SH3PXD2A: variants seen among roughly 807,000 people sequenced by gnomAD.
SH3PXD2A encodes the protein SH3 and PX domain-containing protein 2A.
In SH3PXD2A, 32 loss-of-function variants were observed where a neutral mutation model predicts 115.2. The ratio of observed to expected loss-of-function variants is 0.28; its 90% CI spans 0.21 to 0.37. The LOEUF (loss-of-function observed/expected upper bound fraction) is 0.37, where lower values mean the gene tolerates loss of function less well. Ranked by LOEUF, SH3PXD2A falls within the 10% of genes least tolerant of loss-of-function variation. SH3PXD2A has a pLI of 1.00. For missense variants in SH3PXD2A, 1,328 were observed against 1,498.7 expected (o/e 0.89, Z 1.88); for synonymous variants, 610 against 629.1 (o/e 0.97, Z 0.45).
At position 103,618,911 on chromosome 10, in the gene SH3PXD2A, C is replaced by T. The variant is rs531846265; in HGVS notation, c.803-1597G>A. The stretch of plus-strand genomic sequence containing the variant: ...ATCTGTCCACTCTCCCCTGGATTAT[C>T]GGGGCCCTGTCTGCAGCCCTGTGCT... On this transcript the variant is annotated intron_variant, in intron 10 of 14. Transcript: ENST00000369774. 5.3e-5 allele frequency among the ~76,000 whole-genome samples: 8 copies of T among 152,328 alleles called. No homozygotes were observed. The East Asian group carries it at 1.5e-3, about 29-fold the overall frequency.
intron 1 of SH3PXD2A, among the ~76,000 whole-genome samples, chr10:103,820,029 C>G (rs762030): frequency 0.58 from 88,437 of 151,928 alleles, 26,499 homozygotes; most frequent in East Asian, 0.69. Flanking sequence ...CATTTTTGGA[C>G]AGTTCAGAGT....
At chr10:103,615,638 G>T (rs1459364575) in intron 11 of SH3PXD2A, among the ~76,000 whole-genome samples, 3 of 150,066 alleles carry the variant, frequency 2.0e-5, no homozygotes, top group African/African-American at 7.3e-5. Flanking sequence ...TTTTAAGGTG[G>T]AATCTTTTCA....
chr10:103,840,747 A>C (rs565544636), intron 1 of SH3PXD2A, among the ~76,000 whole-genome samples: 1 of 152,348 alleles, frequency 6.6e-6, no homozygotes, highest in South Asian at 2.1e-4. Context: ...GAAGGACCAT[A>C]ATAGTGCTTT....
At position 103,787,289 on chromosome 10, in the gene SH3PXD2A, G is replaced by C. The variant is rs544991099; in HGVS notation, c.153+13993C>G. 8.5e-5 allele frequency among the ~76,000 whole-genome samples: 13 copies of C among 152,288 alleles called. No individual in the cohort carries two copies. The South Asian group carries it at 2.7e-3, about 32-fold the overall frequency. On this transcript the variant is annotated intron_variant, in intron 2 of 14. Transcript: ENST00000369774. Reference sequence around the variant, plus strand: ...TTGACTACACAGCCAAGAAACCCAGGTATTCCAAACTGTCCCAACTGCCAG... The same window carrying C: ...TTGACTACACAGCCAAGAAACCCAGCTATTCCAAACTGTCCCAACTGCCAG...
chr10:103,633,616 T>C (rs1442016719), intron 8 of SH3PXD2A, among the ~76,000 whole-genome samples: 1 of 149,874 alleles, frequency 6.7e-6, no homozygotes, highest in African/African-American at 2.5e-5. Context: ...TAATCCCAGC[T>C]ACTTGGGAGG....
intron 4 of SH3PXD2A, among the ~76,000 whole-genome samples, chr10:103,727,382 C>G (rs1159758179): frequency 2.6e-5 from 4 of 152,026 alleles, no homozygotes; most frequent in Non-Finnish European, 1.5e-5. Flanking sequence ...AGACAGGGAG[C>G]AAGAGGGAGG....
intron 1 of SH3PXD2A, among the ~76,000 whole-genome samples, chr10:103,804,227 G>A (rs1185515669): frequency 6.6e-6 from 1 of 151,750 alleles, no homozygotes; most frequent in Non-Finnish European, 1.5e-5. Context: ...AGTCTTTCAG[G>A]TTCAATGTTA....
intron 3 of SH3PXD2A, among the ~76,000 whole-genome samples, chr10:103,762,749 T>A (rs892134352): frequency 2.6e-5 from 4 of 152,344 alleles, no homozygotes; most frequent in South Asian, 2.1e-4. Context: ...CTAGCCCTGA[T>A]GAAAACAATT....
chr10:103,768,758 G>C (rs577055417), intron 2 of SH3PXD2A, among the ~76,000 whole-genome samples: 2 of 152,280 alleles, frequency 1.3e-5, no homozygotes, highest in East Asian at 3.9e-4. Context: ...GTCTTAGTCT[G>C]TTTAATGTTG....
intron 7 of SH3PXD2A, among the ~76,000 whole-genome samples, chr10:103,663,914 C>T (rs1564857788): frequency 6.6e-6 from 1 of 152,240 alleles, no homozygotes; most frequent in African/African-American, 2.4e-5. Flanking sequence ...TGCACAGTCC[C>T]GAGCAGCCCT....
chr10:103,735,600 C>T, intron 4 of SH3PXD2A, 132 bp downstream of exon 4: 1 of 727,528 alleles, frequency 1.4e-6, no homozygotes. Flanking sequence ...ACCCCTCTGG[C>T]CAGGAAACAC....
At chr10:103,674,629 G>A (rs1026498187) in intron 6 of SH3PXD2A, among the ~76,000 whole-genome samples, 1 of 152,132 alleles carries the variant, frequency 6.6e-6, no homozygotes, top group Non-Finnish European at 1.5e-5. Context: ...AGACCAGCCT[G>A]GCCAACATGG....
chr10:103,780,559 T>A (rs1261565331), intron 2 of SH3PXD2A, among the ~76,000 whole-genome samples: 4 of 151,962 alleles, frequency 2.6e-5, no homozygotes, highest in Non-Finnish European at 5.9e-5. Flanking sequence ...ATCCTAGAAC[T>A]CAGGAGAGGG....
At chr10:103,625,411 G>A (rs1029201402) in intron 9 of SH3PXD2A, among the ~76,000 whole-genome samples, 1 of 152,254 alleles carries the variant, frequency 6.6e-6, no homozygotes, top group African/African-American at 2.4e-5. Flanking sequence ...AAGGGACAAA[G>A]GAGGTGGACT....
Position 103,617,800 on chromosome 10 carries a change from G to A in SH3PXD2A, c.803-486C>T, listed in dbSNP as rs1477523318. Among the ~76,000 whole-genome samples the A allele has an allele frequency of 2.0e-5, 3 of 152,152 alleles. No individual in the cohort carries two copies. The East Asian group carries it at 5.8e-4, about 29-fold the overall frequency. ...CTCTCCTATCCCTGCCCCCAGCTCA[G>A]CCTCTTGCATCCTTCCTCTGTCTGA... On this transcript the variant is annotated intron_variant, in intron 10 of 14. Transcript: ENST00000369774.
chr10:103,650,919 C>T (rs1018121637), intron 8 of SH3PXD2A, among the ~76,000 whole-genome samples: 19 of 152,236 alleles, frequency 1.2e-4, no homozygotes, highest in African/African-American at 4.3e-4. Context: ...CTCTTGTCCA[C>T]GTGCACCCCA....
In SH3PXD2A at chr10:103,735,741, T is replaced by C. The variant is rs746499855; in HGVS notation, c.297A>G (p.Glu99=). 3 of 1,602,914 alleles carry C rather than the reference T, an allele frequency of 1.9e-6. No homozygotes were observed. The South Asian group carries it at 3.3e-5, about 18-fold the overall frequency. ...CCAGATACACTCTCACCCGGCAGTA[T>C]TCATCGATGGGCTTCAGTCTCTTCA... ...VAVKRLKPID[E]YCRALVRLPP... Residue 99 remains glutamate (E), a synonymous_variant, in exon 4 of 15, where the codon GAA becomes GAG. Coordinates refer to ENST00000369774, the MANE Select transcript of SH3PXD2A (RefSeq NM_001394015.1).
intron 8 of SH3PXD2A, among the ~76,000 whole-genome samples, chr10:103,653,970 T>C (rs1454942409): frequency 6.6e-6 from 1 of 151,330 alleles, no homozygotes; most frequent in Non-Finnish European, 1.5e-5. Flanking sequence ...CATAGATGCA[T>C]GCCTGCTTTG....
intron 5 of SH3PXD2A, among the ~76,000 whole-genome samples, chr10:103,700,641 A>G (rs72815770): frequency 0.02 from 3,071 of 152,304 alleles, 39 homozygotes; most frequent in Non-Finnish European, 0.028. Flanking sequence ...GGAGGATGGC[A>G]GGAATACACA....
Sources: allele counts gnomAD v4.1 joint callset (sites outside exome capture counted in the v4.1 genomes callset), GRCh38; gene constraint gnomAD v4.1.1; transcripts MANE v1.5; gene names NCBI Gene and HGNC (gene_info 2026-07-23, HGNC 2026-07-21).